Variants in UBR1 observed in about 807,000 individuals in gnomAD.
UBR1 encodes the protein E3 ubiquitin-protein ligase UBR1.
A neutral mutation model predicts 242.1 loss-of-function variants in UBR1; 102 were observed. That is an observed-to-expected ratio of 0.42 (90% CI 0.36 to 0.50). The LOEUF (loss-of-function observed/expected upper bound fraction) is 0.50, where lower values mean the gene tolerates loss of function less well. Ranked by LOEUF, UBR1 falls within the 20% of genes least tolerant of loss-of-function variation. The probability of loss-of-function intolerance (pLI) is 0.01; values close to 1 mark genes in which losing one functional copy is unlikely to be tolerated. For missense variants in UBR1, 1,772 were observed against 2,101.8 expected (o/e 0.84, Z 3.07); for synonymous variants, 675 against 684.8 (o/e 0.99, Z 0.22).
chr15:43,021,288 G>A lies in UBR1; in HGVS notation c.2927C>T (p.Thr976Met), dbSNP rs750207413. ...TTTTTAGTTTACCTGAAGTATCCAC[G>A]TTATCATGTCCTTCTGGCCTTCTAA... ...PQLEGQKDMI[T>M]WILQMFDTVK... The change falls in exon 27 of 47, where the codon ACG (threonine) becomes ATG (methionine). Residue 976 changes from threonine (T) to methionine (M), a missense_variant. By Grantham distance (81) the Thr-to-Met change is moderately conservative (BLOSUM62 -1). This residue lies in a region of UBR1 where 965 missense variants were observed against 1,079.7 expected (regional missense o/e 0.89). Coordinates refer to ENST00000290650, the MANE Select transcript of UBR1 (RefSeq NM_174916.3). 10 of 1,613,446 alleles carry A rather than the reference G, an allele frequency of 6.2e-6. No homozygotes were observed. Among genetic ancestry groups the A allele is most frequent in the Middle Eastern group, 1.6e-4 (1 of 6,076 alleles).
chr15:43,068,238 G>C (rs2033780164), intron 5 of UBR1, among the ~76,000 whole-genome samples: 1 of 146,068 alleles, frequency 6.8e-6, no homozygotes, highest in Non-Finnish European at 1.5e-5. Context: ...ACCCAGGCTG[G>C]AGTGCAGTGA....
At chr15:42,968,127 AC>A (rs1456828536) in intron 40 of UBR1, among the ~76,000 whole-genome samples, 1 of 152,074 alleles carries the variant, frequency 6.6e-6, no homozygotes, top group Non-Finnish European at 1.5e-5. Flanking sequence ...CTGTAAAAGG[AC>A]AACCTATTTT....
chr15:42,978,912 T>TC (rs1555443232), intron 37 of UBR1, among the ~76,000 whole-genome samples: 4 of 147,656 alleles, frequency 2.7e-5, no homozygotes, highest in South Asian at 2.2e-4. Context: ...TTTTTTTTTT[T>TC]CGAGATGGAG....
chr15:43,015,188 T>C (rs1210611582), intron 29 of UBR1, among the ~76,000 whole-genome samples: 2 of 152,240 alleles, frequency 1.3e-5, no homozygotes, highest in Admixed American at 1.3e-4. Context: ...ATGGTGGTTT[T>C]GTGGAACAGA....
intron 12 of UBR1, among the ~76,000 whole-genome samples, chr15:43,049,668 T>C (rs1488329873): frequency 6.6e-6 from 1 of 152,188 alleles, no homozygotes; most frequent in African/African-American, 2.4e-5. Flanking sequence ...TAGATACCCA[T>C]TAACATGCAA....
intron 15 of UBR1, among the ~76,000 whole-genome samples, chr15:43,039,488 T>C (rs2033387984): frequency 6.6e-6 from 1 of 152,216 alleles, no homozygotes; most frequent in African/African-American, 2.4e-5. Context: ...TTGTCTGTTA[T>C]TGGTGTATAA....
Position 43,105,968 on chromosome 15 carries a change from G to T in UBR1, c.55C>A (p.Pro19Thr). 6.2e-7 allele frequency: 1 copy of T among 1,614,068 alleles called. No homozygotes were observed. Among genetic ancestry groups the T allele is most frequent in the South Asian group, 1.1e-5 (1 of 91,082 alleles). The change falls in exon 1 of 47, where the codon CCC becomes ACC. Residue 19 changes from proline (P) to threonine (T), a missense_variant. By Grantham distance (38) the Pro-to-Thr change is conservative. This residue lies in a region of UBR1 where 734 missense variants were observed against 893.3 expected (regional missense o/e 0.82). Transcript: ENST00000290650. ...TERMEISAEL[P>T]QTPQRLASWW... Reference sequence around the variant, plus strand: ...GATGCCAGACGCTGAGGGGTCTGGGGTAACTCCGCGCTGATTTCCATCCTC... The same window carrying T: ...GATGCCAGACGCTGAGGGGTCTGGGTTAACTCCGCGCTGATTTCCATCCTC...
chr15:42,990,824 C>T (rs1042502933), intron 33 of UBR1, among the ~76,000 whole-genome samples: 5 of 152,170 alleles, frequency 3.3e-5, no homozygotes, highest in African/African-American at 1.2e-4. Context: ...GGTTTGAATC[C>T]TAGCTCTGCC....
chr15:43,068,258 G>A (rs538950845), intron 5 of UBR1, among the ~76,000 whole-genome samples: 70 of 138,216 alleles, frequency 5.1e-4, no homozygotes, highest in African/African-American at 1.9e-3. Flanking sequence ...ACGCAACCTC[G>A]ACTCACTGCA....
At position 42,974,178 on chromosome 15, in the gene UBR1, G is replaced by A. The variant is rs1221288869; in HGVS notation, c.4369+2539C>T. 3.9e-5 allele frequency among the ~76,000 whole-genome samples: 6 copies of A among 152,100 alleles called. No individual in the cohort carries two copies. In the South Asian group the frequency reaches 6.2e-4, roughly 16 times the overall value. On this transcript the variant is annotated intron_variant, in intron 39 of 46. Coordinates refer to ENST00000290650, the MANE Select transcript of UBR1 (RefSeq NM_174916.3). ...GCAGGGATTACAGGCGTGAGCCACCGTGCCCAGCCATCTTGTAGGAGTTTT... is the reference window on the plus strand; with the variant it reads ...GCAGGGATTACAGGCGTGAGCCACCATGCCCAGCCATCTTGTAGGAGTTTT...
intron 25 of UBR1, among the ~76,000 whole-genome samples, chr15:43,024,440 T>A (rs2033152917): frequency 6.6e-6 from 1 of 152,142 alleles, no homozygotes; most frequent in African/African-American, 2.4e-5. Flanking sequence ...AATGAGAAAA[T>A]TATTATTTGC....
At chr15:43,062,197 A>G (rs149527339) in intron 6 of UBR1, among the ~76,000 whole-genome samples, 1 of 152,222 alleles carries the variant, frequency 6.6e-6, no homozygotes, top group Non-Finnish European at 1.5e-5. Flanking sequence ...ATCCATGTTC[A>G]TAAGAGCATT....
At chr15:42,962,913 G>A (rs949751606) in intron 42 of UBR1, among the ~76,000 whole-genome samples, 5 of 152,134 alleles carry the variant, frequency 3.3e-5, no homozygotes, top group African/African-American at 1.2e-4. Flanking sequence ...TCACTTTCCT[G>A]CAACATAGGG....
chr15:43,099,819 T>G (rs959535044), intron 1 of UBR1, among the ~76,000 whole-genome samples: 47 of 151,340 alleles, frequency 3.1e-4, no homozygotes, highest in African/African-American at 1.1e-3. Flanking sequence ...TGAGACACGC[T>G]ACATAAAACC....
chr15:43,064,934 T>C (rs2033734240), intron 6 of UBR1, among the ~76,000 whole-genome samples: 1 of 152,184 alleles, frequency 6.6e-6, no homozygotes, highest in Non-Finnish European at 1.5e-5. Context: ...TCCATTTTTC[T>C]CCTAAGAAGG....
At chr15:43,021,164 TG>T (rs1452367304) in intron 27 of UBR1, 110 bp downstream of exon 27, 3 of 778,878 alleles carry the variant, frequency 3.9e-6, no homozygotes, top group Admixed American at 2.2e-5. Context: ...TAAGTGATTA[TG>T]AAAACCAGTA....
chr15:43,096,337 T>G (rs959771440), intron 1 of UBR1, among the ~76,000 whole-genome samples: 4 of 152,092 alleles, frequency 2.6e-5, no homozygotes, highest in African/African-American at 4.8e-5. Flanking sequence ...CATTTTTGTA[T>G]TTTTGGTAGA....
chr15:42,974,442 T>C (rs2032256860), intron 39 of UBR1, among the ~76,000 whole-genome samples: 1 of 152,214 alleles, frequency 6.6e-6, no homozygotes, highest in Admixed American at 6.5e-5. Flanking sequence ...TCTAATCTTT[T>C]GCCAACCACA....
intron 42 of UBR1, among the ~76,000 whole-genome samples, chr15:42,961,245 T>TG (rs1353620002): frequency 6.6e-6 from 1 of 151,510 alleles, no homozygotes; most frequent in Non-Finnish European, 1.5e-5. Context: ...CTTCAGTAGC[T>TG]GGGACTACAA....
Sources: gnomAD v4.1 joint callset for allele counts (sites outside exome capture counted in the v4.1 genomes callset) on GRCh38, gnomAD v4.1.1 for gene constraint, gnomAD v4.1.1 regional missense constraint, MANE v1.5 for transcripts, NCBI Gene and HGNC (gene_info 2026-07-23, HGNC 2026-07-21) for gene names.